The following HTR1F variants were observed in gnomAD, a reference collection of about 807,000 sequenced individuals.
The protein encoded by HTR1F is 5-hydroxytryptamine (serotonin) receptor 1F, G protein-coupled.
In HTR1F, 17 loss-of-function variants were observed where a neutral mutation model predicts 24.0. That is an observed-to-expected ratio of 0.71 (90% confidence interval 0.48 to 1.06). The LOEUF (loss-of-function observed/expected upper bound fraction) is 1.06. Among genes scored for constraint, HTR1F ranks in the 50% least tolerant of loss-of-function variants. The pLI is 0.00. For synonymous variants in HTR1F, 186 were observed against 156.8 expected (o/e 1.19, Z -1.39); for missense variants, 391 against 427.8 (o/e 0.91, Z 0.76).
intron 2 of HTR1F, among the ~76,000 whole-genome samples, chr3:87,929,301 G>A (rs1305276428): frequency 6.6e-6 from 1 of 152,166 alleles, no homozygotes; most frequent in Non-Finnish European, 1.5e-5. Context: ...TCAGGGCAGA[G>A]CCTCTTTCCG....
In HTR1F at chr3:87,942,421, T is replaced by C. The variant is rs1214157342; in HGVS notation, c.-42-48287T>C. Among the ~76,000 whole-genome samples the C allele has an allele frequency of 2.6e-5, 4 of 152,090 alleles. No individual in the cohort carries two copies. In the East Asian group the frequency reaches 7.7e-4, roughly 29 times the overall value. The stretch of plus-strand genomic sequence containing the variant: ...CCTCCTGGCCCTCAATGGTCAAGCA[T>C]ACCCGGGGCTCTGTGAGGGTGACGG... On this transcript the variant is annotated intron_variant, in intron 2 of 2. Coordinates refer to ENST00000319595, the MANE Select transcript of HTR1F (RefSeq NM_001322209.2).
At chr3:87,947,432 AG>A (rs1249526711) in intron 2 of HTR1F, among the ~76,000 whole-genome samples, 2 of 152,190 alleles carry the variant, frequency 1.3e-5, no homozygotes, top group Non-Finnish European at 2.9e-5. Flanking sequence ...GTGTAAATGT[AG>A]GGGGGAATTG....
intron 1 of HTR1F, among the ~76,000 whole-genome samples, chr3:87,798,631 T>C (rs1703945036): frequency 6.6e-6 from 1 of 151,274 alleles, no homozygotes; most frequent in East Asian, 1.9e-4. Context: ...TGTCACCAGC[T>C]CCTCCACTCC....
At chr3:87,886,537 G>C (rs142971453) in intron 2 of HTR1F, among the ~76,000 whole-genome samples, 1 of 152,146 alleles carries the variant, frequency 6.6e-6, no homozygotes, top group Admixed American at 6.5e-5. Flanking sequence ...GTTAGGAAAA[G>C]AGGAAGTCAA....
intron 2 of HTR1F, among the ~76,000 whole-genome samples, chr3:87,948,106 T>A (rs1704751925): frequency 6.6e-6 from 1 of 152,210 alleles, no homozygotes; most frequent in Non-Finnish European, 1.5e-5. Context: ...AGGCTTATCC[T>A]ATCATCATAG....
At chr3:87,923,652 T>A (rs1704059545) in intron 2 of HTR1F, among the ~76,000 whole-genome samples, 1 of 152,084 alleles carries the variant, frequency 6.6e-6, no homozygotes, top group African/African-American at 2.4e-5. Flanking sequence ...TGATCTTCAT[T>A]GTTTTGAAGT....
At chr3:87,938,174 C>T (rs1159527432) in intron 2 of HTR1F, among the ~76,000 whole-genome samples, 1 of 151,822 alleles carries the variant, frequency 6.6e-6, no homozygotes, top group Middle Eastern at 3.2e-3. Context: ...AAATCAGGAA[C>T]ACAGTCCCGT....
intron 2 of HTR1F, among the ~76,000 whole-genome samples, chr3:87,964,323 C>A (rs1411333800): frequency 6.6e-6 from 1 of 152,104 alleles, no homozygotes; most frequent in Non-Finnish European, 1.5e-5. Flanking sequence ...TTTATTTACC[C>A]ATAAGCATAC....
At chr3:87,931,631 T>C (rs1414731155) in intron 2 of HTR1F, among the ~76,000 whole-genome samples, 1 of 152,106 alleles carries the variant, frequency 6.6e-6, no homozygotes, top group East Asian at 1.9e-4. Context: ...CACACTGACT[T>C]CCACAATGGT....
At chr3:87,884,502 T>A (rs1705888302) in intron 2 of HTR1F, among the ~76,000 whole-genome samples, 1 of 151,986 alleles carries the variant, frequency 6.6e-6, no homozygotes, top group Non-Finnish European at 1.5e-5. Flanking sequence ...CATAACAAGA[T>A]CAACCTTAAA....
chr3:87,891,867 T>G (rs1481599883), intron 2 of HTR1F, among the ~76,000 whole-genome samples: 1 of 152,198 alleles, frequency 6.6e-6, no homozygotes, highest in African/African-American at 2.4e-5. Flanking sequence ...ATTAACTTTA[T>G]AATCACCACT....
At chr3:87,867,221 C>T (rs1278095176) in intron 2 of HTR1F, among the ~76,000 whole-genome samples, 1 of 151,822 alleles carries the variant, frequency 6.6e-6, no homozygotes, top group Non-Finnish European at 1.5e-5. Flanking sequence ...GTGGTGTTGG[C>T]TTCAAATTCT....
At chr3:87,801,453 A>G (rs9842182) in intron 1 of HTR1F, among the ~76,000 whole-genome samples, 10,371 of 152,242 alleles carry the variant, frequency 0.068, 1,146 homozygotes, top group African/African-American at 0.23. Flanking sequence ...GGAAGTCCTG[A>G]CGACATGTGC....
At chr3:87,845,033 C>T (rs555287297) in intron 2 of HTR1F, among the ~76,000 whole-genome samples, 1 of 151,758 alleles carries the variant, frequency 6.6e-6, no homozygotes, top group Admixed American at 6.6e-5. Flanking sequence ...AATTCAACAA[C>T]CTTTCATGCT....
At chr3:87,981,396 T>C (rs1423526331) in intron 2 of HTR1F, among the ~76,000 whole-genome samples, 1 of 152,186 alleles carries the variant, frequency 6.6e-6, no homozygotes, top group Non-Finnish European at 1.5e-5. Context: ...GGTTTCACCG[T>C]GTTGCCCACG....
intron 1 of HTR1F, among the ~76,000 whole-genome samples, chr3:87,805,438 A>G (rs1258012296): frequency 6.6e-6 from 1 of 152,084 alleles, no homozygotes; most frequent in Non-Finnish European, 1.5e-5. Flanking sequence ...CTGACTTCCT[A>G]TGAGTTCCAC....
intron 2 of HTR1F, among the ~76,000 whole-genome samples, chr3:87,988,848 G>T (rs1037755450): frequency 6.6e-6 from 1 of 151,880 alleles, no homozygotes; most frequent in Non-Finnish European, 1.5e-5. Flanking sequence ...CAAAGTGCTG[G>T]TATTACAGGA....
At chr3:87,807,786 T>A (rs931863662) in intron 1 of HTR1F, among the ~76,000 whole-genome samples, 1 of 151,954 alleles carries the variant, frequency 6.6e-6, no homozygotes, top group Non-Finnish European at 1.5e-5. Context: ...TATGTTGAAG[T>A]ATGTTCCTCC....
chr3:87,977,691 G>C (rs1705428465), intron 2 of HTR1F, among the ~76,000 whole-genome samples: 1 of 151,858 alleles, frequency 6.6e-6, no homozygotes, highest in South Asian at 2.1e-4. Flanking sequence ...AAAGTGCTGG[G>C]ATTACAGGCA....
Sources: gnomAD v4.1 joint callset for allele counts (sites outside exome capture counted in the v4.1 genomes callset) on GRCh38, gnomAD v4.1.1 for gene constraint, MANE v1.5 for transcripts, NCBI Gene and HGNC (gene_info 2026-07-23, HGNC 2026-07-21) for gene names.